Variants in GAPDHS observed in about 807,000 individuals in gnomAD.
The protein encoded by GAPDHS is glyceraldehyde-3-phosphate dehydrogenase, spermatogenic, also known as glyceraldehyde-3-phosphate dehydrogenase, testis-specific.
In GAPDHS, 42 loss-of-function variants were observed where a neutral mutation model predicts 48.7. The observed-to-expected ratio is 0.86, with a 90% CI of 0.67 to 1.12. The LOEUF (loss-of-function observed/expected upper bound fraction) is 1.12. Among genes scored for constraint, GAPDHS ranks in the 50% most tolerant of loss-of-function variants. GAPDHS has a pLI of 0.00. For missense variants in GAPDHS, 512 were observed against 557.7 expected (o/e 0.92, Z 0.82); for synonymous variants, 166 against 219.1 (o/e 0.76, Z 2.14).
intron 4 of GAPDHS, 48 bp downstream of exon 4, chr19:35,538,731 G>C: frequency 8.4e-7 from 1 of 1,192,418 alleles, no homozygotes; most frequent in Non-Finnish European, 1.3e-6. Flanking sequence ...ATTGAGGCAG[G>C]GCATGTGGAG....
intron 7 of GAPDHS, 145 bp from the exon 8 acceptor site, chr19:35,543,194 AC>A: frequency 1.8e-6 from 2 of 1,087,596 alleles, no homozygotes; most frequent in South Asian, 1.3e-5. Context: ...GCAAGGCTGG[AC>A]CCTGGCCTGC....
rs2071511347 is a variant in GAPDHS, at chr19:35,542,496, A to T, written c.547A>T (p.Ile183Phe). Residue 183 changes from isoleucine to phenylalanine, a missense_variant, in exon 6 of 11, where the codon ATC (isoleucine) becomes TTC (phenylalanine). By Grantham distance (21) the Ile-to-Phe change is conservative. Transcript: ENST00000222286. ...YLSIQAASDH[I>F]SAGAQRVVIS... ...ACCTGCGCTTCCTCCCCAGGACCAC[A>T]TCTCTGCAGGTGCTCAACGTGTGGT... The T allele has an allele frequency of 6.2e-7, 1 of 1,613,440 alleles. No individual in the cohort carries two copies.
chr19:35,538,520 T>A, intron 3 of GAPDHS, 57 bp from the exon 4 acceptor site: 2 of 1,282,424 alleles, frequency 1.6e-6, no homozygotes, highest in Admixed American at 3.5e-5. Context: ...AAGAGGGGAC[T>A]CTCTAGGGAT....
chr19:35,543,157 T>A, intron 7 of GAPDHS, 131 bp downstream of exon 7: 1 of 961,594 alleles, frequency 1.0e-6, no homozygotes, highest in South Asian at 1.4e-5. Flanking sequence ...AGTGCAGAAG[T>A]CACTTAAAAC....
intron 1 of GAPDHS, among the ~76,000 whole-genome samples, chr19:35,535,541 C>A (rs574615251): frequency 2.6e-5 from 4 of 151,820 alleles, no homozygotes; most frequent in Non-Finnish European, 4.4e-5. Context: ...TGTGCCACCA[C>A]GCCTGGCTAA....
chr19:35,540,967 A>C (rs2071498055), intron 4 of GAPDHS: 1 of 152,094 alleles, frequency 6.6e-6, no homozygotes, highest in Non-Finnish European at 1.5e-5. Flanking sequence ...GTCACCACTA[A>C]AAATACAAAA....
chr19:35,544,609 C>T, intron 9 of GAPDHS: 1 of 421,560 alleles, frequency 2.4e-6, no homozygotes, highest in Non-Finnish European at 4.4e-6. Context: ...CATGGCCACC[C>T]CTCAGAGAGG....
intron 4 of GAPDHS, among the ~76,000 whole-genome samples, chr19:35,540,529 A>G (rs1312922415): frequency 6.6e-6 from 1 of 151,626 alleles, no homozygotes; most frequent in East Asian, 1.9e-4. Flanking sequence ...GGACTGACAG[A>G]GCAGGAGACA....
chr19:35,536,602 T>C (rs945900094), intron 1 of GAPDHS, among the ~76,000 whole-genome samples: 1 of 151,750 alleles, frequency 6.6e-6, no homozygotes, highest in Non-Finnish European at 1.5e-5. Flanking sequence ...CGGAAGTACA[T>C]AACCAGTGAA....
At chr19:35,543,858 G>A in intron 9 of GAPDHS, 31 bp downstream of exon 9, 1 of 1,560,424 alleles carries the variant, frequency 6.4e-7, no homozygotes, top group Non-Finnish European at 8.7e-7. Context: ...ACCCTGGGAG[G>A]AGCCCTCTGG....
chr19:35,538,556 G>C (rs748713173), intron 3 of GAPDHS, 21 bp from the exon 4 acceptor site: 3 of 1,482,236 alleles, frequency 2.0e-6, no homozygotes, highest in Non-Finnish European at 1.9e-6. Flanking sequence ...CCAAGACTAG[G>C]AGCCATTCCA....
At chr19:35,543,302 A>G (rs2071518464) in intron 7 of GAPDHS, 38 bp from the exon 8 acceptor site, 1 of 1,601,900 alleles carries the variant, frequency 6.2e-7, no homozygotes, top group African/African-American at 1.4e-5. Context: ...GGAGCTTAGG[A>G]GCATGAAGGC....
intron 9 of GAPDHS, 24 bp from the exon 10 acceptor site, chr19:35,544,885 T>C (rs1483187042): frequency 6.7e-7 from 1 of 1,486,740 alleles, no homozygotes; most frequent in African/African-American, 1.4e-5. Context: ...CGGACACACT[T>C]ATCTTTGAAA....
At chr19:35,544,604 C>A (rs1487124150) in intron 9 of GAPDHS, 2 of 406,190 alleles carry the variant, frequency 4.9e-6, no homozygotes, top group Admixed American at 7.3e-5. Flanking sequence ...AGGCTCATGG[C>A]CACCCCTCAG....
intron 2 of GAPDHS, among the ~76,000 whole-genome samples, chr19:35,537,782 TA>T (rs2071475144): frequency 6.6e-6 from 1 of 152,146 alleles, no homozygotes; most frequent in African/African-American, 2.4e-5. Context: ...AGGTTAAGAA[TA>T]GGGGTTAGGA....
Position 35,533,559 on chromosome 19 carries a change from T to A in GAPDHS, c.32T>A (p.Val11Asp), listed in dbSNP as rs2071445461. 6.2e-7 allele frequency: 1 copy of A among 1,613,354 alleles called. No homozygotes were observed. The highest frequency in any genetic ancestry group is 8.5e-7 in the Non-Finnish European group (1 of 1,179,888). ...AAGCGCGACATCGTCCTCACCAATG[T>A]CACCGTTGTCCAGTTGCTGCGACAG... MSKRDIVLTN[V>D]TVVQLLRQPC... The change falls in exon 1 of 11, where the codon GTC becomes GAC. Residue 11 changes from valine to aspartate, a missense_variant. Transcript: ENST00000222286.
intron 2 of GAPDHS, 30 bp downstream of exon 2, chr19:35,537,020 G>A (rs767213095): frequency 1.3e-6 from 2 of 1,570,868 alleles, no homozygotes; most frequent in Non-Finnish European, 1.7e-6. Flanking sequence ...TGATCAGTCT[G>A]AAGCCTTAGA....
chr19:35,536,637 T>C (rs935151999), intron 1 of GAPDHS, 176 bp from the exon 2 acceptor site: 1 of 548,588 alleles, frequency 1.8e-6, no homozygotes, highest in Admixed American at 3.0e-5. Flanking sequence ...AAAGAGCCCT[T>C]GGGATTGACA....
intron 1 of GAPDHS, 31 bp from the exon 2 acceptor site, chr19:35,536,782 T>C (rs1600130089): frequency 1.9e-6 from 3 of 1,550,234 alleles, no homozygotes; most frequent in Non-Finnish European, 1.8e-6. Context: ...TTGGTGGTCA[T>C]GCAACCCATT....
Sources: allele counts gnomAD v4.1 joint callset (sites outside exome capture counted in the v4.1 genomes callset), GRCh38; gene constraint gnomAD v4.1.1; transcripts MANE v1.5; gene names NCBI Gene and HGNC (gene_info 2026-07-23, HGNC 2026-07-21).